The following RDH12 variants were observed in gnomAD, a reference collection of about 807,000 sequenced individuals.
RDH12 encodes all-trans and 9-cis retinol dehydrogenase.
In RDH12, 21 loss-of-function variants were observed where a neutral mutation model predicts 34.0. That is an observed-to-expected ratio of 0.62 (90% CI 0.44 to 0.89). The LOEUF is 0.89. RDH12 is among the 40% of genes least tolerant of loss of function. The pLI, the probability that RDH12 is intolerant of heterozygous loss-of-function variation, is 0.00. For missense variants in RDH12, 394 were observed against 398.6 expected, an observed-to-expected ratio of 0.99 and a Z score of 0.10; for synonymous variants, 198 against 169.9, an observed-to-expected ratio of 1.17 and a Z score of -1.29.
In RDH12 at chr14:67,727,157, C is replaced by CT; in HGVS notation, c.630dup (p.Thr211TyrfsTer3). ...TTGCCACAGCAAGCTGGCCAATGTGCTTTTTACTCGTGAGCTGGCCAAGAG... is the reference window on the plus strand; with the variant it reads ...TTGCCACAGCAAGCTGGCCAATGTGCTTTTTTACTCGTGAGCTGGCCAAGAG... On this transcript the variant is annotated frameshift_variant, in exon 7 of 9. Coordinates refer to ENST00000551171, the MANE Select transcript of RDH12 (RefSeq NM_152443.3). LOFTEE classifies it high-confidence loss of function. The CT allele has an allele frequency of 6.2e-7, 1 of 1,613,930 alleles. No individual in the cohort carries two copies. Among genetic ancestry groups the CT allele is most frequent in the Non-Finnish European group, 8.5e-7 (1 of 1,179,990 alleles).
Position 67,733,798 on chromosome 14 carries a change from G to A in RDH12, c.901G>A (p.Glu301Lys). ...SPRARNNKTA[E>K]RLWNVSCELL... Reference sequence around the variant, plus strand: ...AAGGGCCCGAAATAACAAAACAGCTGAGCGCCTATGGAATGTCAGCTGTGA... The same window carrying A: ...AAGGGCCCGAAATAACAAAACAGCTAAGCGCCTATGGAATGTCAGCTGTGA... Residue 301 changes from glutamate to lysine, a missense_variant, in exon 9 of 9, where the codon GAG becomes AAG. By Grantham distance (56) the Glu-to-Lys change is moderately conservative. Transcript: ENST00000551171. 6.2e-7 allele frequency: 1 copy of A among 1,613,534 alleles called. No individual in the cohort carries two copies. Among genetic ancestry groups the A allele is most frequent in the Non-Finnish European group, 8.5e-7 (1 of 1,179,618 alleles).
intron 1 of RDH12, among the ~76,000 whole-genome samples, chr14:67,704,440 C>A (rs1468035990): frequency 6.6e-6 from 1 of 152,026 alleles, no homozygotes. Context: ...TTTTTTTCAA[C>A]TGTGTGTGCA....
chr14:67,712,562 C>T (rs114816999), intron 1 of RDH12, among the ~76,000 whole-genome samples: 5,311 of 148,028 alleles, frequency 0.036, 148 homozygotes, highest in Admixed American at 0.087. Context: ...AACATGAAGG[C>T]CTTTTAAATA....
chr14:67,725,396 G>A (rs1304893884), intron 5 of RDH12, 142 bp downstream of exon 5: 1 of 854,596 alleles, frequency 1.2e-6, no homozygotes, highest in Non-Finnish European at 1.9e-6. Flanking sequence ...GCAGGACAGG[G>A]AATTGGCAAG....
intron 3 of RDH12, among the ~76,000 whole-genome samples, chr14:67,722,914 G>A (rs1184614434): frequency 6.6e-6 from 1 of 152,222 alleles, no homozygotes; most frequent in African/African-American, 2.4e-5. Flanking sequence ...GTGGGGCTGA[G>A]TTCTGGCCCC....
At chr14:67,716,160 G>A (rs919289226) in intron 1 of RDH12, among the ~76,000 whole-genome samples, 2 of 149,958 alleles carry the variant, frequency 1.3e-5, no homozygotes, top group African/African-American at 2.5e-5. Flanking sequence ...TCACGCCACT[G>A]CACTCCAGCC....
At position 67,728,711 on chromosome 14, in the gene RDH12, G is replaced by GC. The variant is rs1194522480; in HGVS notation, c.659-480_659-479insC. 2.4e-3 allele frequency among the ~76,000 whole-genome samples: 358 copies of GC among 151,030 alleles called. 3 individuals carry two copies. Among genetic ancestry groups the GC allele is most frequent in the Admixed American group, 4.9e-3 (74 of 15,158 alleles). On this transcript the variant is annotated intron_variant, in intron 7 of 8. Coordinates refer to ENST00000551171, the MANE Select transcript of RDH12 (RefSeq NM_152443.3). ...GCACCAGGGATATCTTGTGGGGGGG[G>GC]GGTGTTAATCCCCCACAATCTGCAT...
chr14:67,718,952 T>C (rs958379172), intron 1 of RDH12, among the ~76,000 whole-genome samples: 23 of 152,210 alleles, frequency 1.5e-4, no homozygotes, highest in African/African-American at 3.4e-4. Flanking sequence ...ATTAAGGCCA[T>C]TGGGGCAGAG....
chr14:67,729,342 G>T lies in RDH12; in HGVS notation c.810G>T (p.Leu270=). 6.3e-7 allele frequency: 1 copy of T among 1,598,772 alleles called. No homozygotes were observed. The highest frequency in any genetic ancestry group is 8.5e-7 in the Non-Finnish European group (1 of 1,179,796). ...CGCAGACCAGCCTGCACTGCGCCCT[G>T]GCTGAGGGCCTGGAGCCCCTGAGTG... ...EGAQTSLHCA[L]AEGLEPLSGK... is the part of the protein sequence containing the mutation. The change falls in exon 8 of 9, where the codon CTG becomes CTT. Residue 270 remains leucine, a synonymous_variant. Transcript: ENST00000551171.
chr14:67,729,142 C>T (rs1171210510), intron 7 of RDH12, 49 bp from the exon 8 acceptor site: 3 of 1,587,016 alleles, frequency 1.9e-6, no homozygotes, highest in Middle Eastern at 1.8e-4. Context: ...AAGCTGTTTT[C>T]CTGGGCTCAG....
At chr14:67,713,413 A>G (rs2038032777) in intron 1 of RDH12, among the ~76,000 whole-genome samples, 1 of 151,370 alleles carries the variant, frequency 6.6e-6, no homozygotes, top group African/African-American at 2.4e-5. Context: ...AAAAAAAAAA[A>G]AAAAAAAAAA....
At chr14:67,728,670 C>T (rs1208398465) in intron 7 of RDH12, among the ~76,000 whole-genome samples, 1 of 146,030 alleles carries the variant, frequency 6.8e-6, no homozygotes, top group Non-Finnish European at 1.5e-5. Flanking sequence ...ATAATTGGTA[C>T]TGAAAAATAG....
rs1173475346 is a variant in RDH12, at chr14:67,722,668, C to A, written c.26C>A (p.Thr9Asn). Residue 9 changes from threonine to asparagine, a missense_variant, in exon 3 of 9, where the codon ACC becomes AAC. By Grantham distance (65) the Thr-to-Asn change is moderately conservative. Coordinates refer to ENST00000551171, the MANE Select transcript of RDH12 (RefSeq NM_152443.3). ...ATGCTGGTCACCTTGGGACTGCTCA[C>A]CTCCTTCTTCTCGTTCCTGTATATG... MLVTLGLLTSFFSFLYMVA... is the reference protein window; with the variant it reads MLVTLGLLNSFFSFLYMVA... The A allele has an allele frequency of 8.7e-6, 14 of 1,613,606 alleles. No homozygotes were observed. Among genetic ancestry groups the A allele is most frequent in the Non-Finnish European group, 1.2e-5 (14 of 1,179,842 alleles).
chr14:67,729,489 A>G, intron 8 of RDH12, 109 bp downstream of exon 8: 1 of 1,135,854 alleles, frequency 8.8e-7, no homozygotes, highest in Non-Finnish European at 1.3e-6. Context: ...GATGCAATCC[A>G]GGTTTGGGTT....
intron 8 of RDH12, among the ~76,000 whole-genome samples, chr14:67,731,885 G>C (rs557073044): frequency 6.6e-6 from 1 of 152,046 alleles, no homozygotes; most frequent in East Asian, 1.9e-4. Flanking sequence ...CCAGCACTTT[G>C]GGAGGCTGAG....
intron 7 of RDH12, 117 bp from the exon 8 acceptor site, chr14:67,729,074 C>A (rs918596462): frequency 9.5e-7 from 1 of 1,052,272 alleles, no homozygotes; most frequent in Non-Finnish European, 1.5e-6. Context: ...CCTGCTGAAT[C>A]CTGGGGTTAT....
chr14:67,724,628 C>T, intron 4 of RDH12, 37 bp downstream of exon 4: 1 of 1,447,044 alleles, frequency 6.9e-7, no homozygotes, highest in Non-Finnish European at 9.7e-7. Context: ...AGGGCCATGC[C>T]TCCCACCCTT....
intron 1 of RDH12, among the ~76,000 whole-genome samples, chr14:67,712,371 T>C (rs549760082): frequency 1.3e-5 from 2 of 152,086 alleles, no homozygotes; most frequent in East Asian, 3.9e-4. Context: ...TTTTTTGTTT[T>C]TTAATAAAGA....
intron 1 of RDH12, among the ~76,000 whole-genome samples, chr14:67,702,245 A>C (rs2037907516): frequency 6.6e-6 from 1 of 152,120 alleles, no homozygotes; most frequent in Non-Finnish European, 1.5e-5. Flanking sequence ...CTAGGATTAC[A>C]CACATGAGCC....
Sources: gnomAD v4.1 joint callset for allele counts (sites outside exome capture counted in the v4.1 genomes callset) on GRCh38, gnomAD v4.1.1 for gene constraint, MANE v1.5 for transcripts, NCBI Gene and HGNC (gene_info 2026-07-23, HGNC 2026-07-21) for gene names.